HMCN1: variants seen among roughly 807,000 people sequenced by gnomAD.
The protein encoded by HMCN1 is hemicentin 1, also known as hemicentin-1.
HMCN1 carries 321 observed loss-of-function variants against 625.9 expected under a neutral mutation model. That is an observed-to-expected ratio of 0.51 (90% CI 0.47 to 0.56). HMCN1 has a LOEUF of 0.56. Ranked by LOEUF, HMCN1 falls within the 20% of genes least tolerant of loss-of-function variation. The pLI is 0.00. For missense variants in HMCN1, 6,588 were observed against 6,887.3 expected, an observed-to-expected ratio of 0.96 and a Z score of 1.54; for synonymous variants, 2,425 against 2,417.6, an observed-to-expected ratio of 1.00 and a Z score of -0.09.
chr1:185,734,719 G>T lies in HMCN1; in HGVS notation c.-61G>T. The stretch of plus-strand genomic sequence containing the variant: ...GAGAGGAAACCCTCTGCCTGTTGTT[G>T]AGGAGGACTGAGCACAGTGCTTAGG... On this transcript the variant is annotated 5_prime_UTR_variant, in exon 1 of 107. An upstream open reading frame in the 5' UTR loses its in-frame stop. Coordinates refer to ENST00000271588, the MANE Select transcript of HMCN1 (RefSeq NM_031935.3). 1 of 1,529,646 alleles carries T rather than the reference G, an allele frequency of 6.5e-7. No homozygotes were observed. 94.8% of individuals were successfully genotyped at this position (1,529,646 alleles called of 1,614,324 possible).
At chr1:185,978,614 A>G (rs1188394219) in intron 16 of HMCN1, among the ~76,000 whole-genome samples, 1 of 152,120 alleles carries the variant, frequency 6.6e-6, no homozygotes, top group Non-Finnish European at 1.5e-5. Flanking sequence ...AAATAATGGG[A>G]TGTTTGGGGT....
At chr1:186,140,468 C>T (rs1334051312) in intron 89 of HMCN1, among the ~76,000 whole-genome samples, 1 of 152,164 alleles carries the variant, frequency 6.6e-6, no homozygotes, top group Non-Finnish European at 1.5e-5. Context: ...GATTTTGTGT[C>T]CTTCTCCATG....
chr1:185,771,002 G>A (rs1484717131), intron 1 of HMCN1, among the ~76,000 whole-genome samples: 1 of 152,084 alleles, frequency 6.6e-6, no homozygotes, highest in African/African-American at 2.4e-5. Flanking sequence ...GGATATTCCT[G>A]GAATATGAAG....
In HMCN1 at chr1:186,190,819, A is replaced by C. The variant is rs1448286238; in HGVS notation, c.*941A>C. 1 of 192,774 alleles carries C rather than the reference A, an allele frequency of 5.2e-6. No homozygotes were observed. The highest frequency in any genetic ancestry group is 1.1e-5 in the Non-Finnish European group (1 of 92,062). 11.9% of individuals were successfully genotyped at this position (192,774 alleles called of 1,614,324 possible). ...GCCAAGATGTATTCTATTTTTATGA[A>C]GTGTATATATATTACCTTAGTGTGC... On this transcript the variant is annotated 3_prime_UTR_variant, in exon 107 of 107. Coordinates refer to ENST00000271588, the MANE Select transcript of HMCN1 (RefSeq NM_031935.3).
chr1:185,736,276 A>G lies in HMCN1; in HGVS notation c.268+1229A>G, dbSNP rs576229577. 3.5e-4 allele frequency among the ~76,000 whole-genome samples: 53 copies of G among 152,324 alleles called. 1 individual carries two copies. In the South Asian group the frequency reaches 0.011, roughly 31 times the overall value. Reference sequence around the variant, plus strand: ...TATATATACACACACATACACATACATACATTACATATATGTAATTACATA... The same window carrying G: ...TATATATACACACACATACACATACGTACATTACATATATGTAATTACATA... On this transcript the variant is annotated intron_variant, in intron 1 of 106. Coordinates refer to ENST00000271588, the MANE Select transcript of HMCN1 (RefSeq NM_031935.3).
intron 11 of HMCN1, among the ~76,000 whole-genome samples, chr1:185,947,908 G>C (rs1026988921): frequency 6.6e-5 from 10 of 152,186 alleles, no homozygotes; most frequent in Non-Finnish European, 1.5e-4. Flanking sequence ...GTTTCACGTG[G>C]AAAAGTTAGC....
At chr1:186,162,855 G>T (rs186714293) in intron 97 of HMCN1, among the ~76,000 whole-genome samples, 1,853 of 152,318 alleles carry the variant, frequency 0.012, 30 homozygotes, top group African/African-American at 0.043. Flanking sequence ...GGCTGCTCAG[G>T]GGTCAGGGAC....
At chr1:186,070,868 A>G in intron 52 of HMCN1, 111 bp downstream of exon 52, 5 of 1,108,150 alleles carry the variant, frequency 4.5e-6, no homozygotes, top group Non-Finnish European at 6.8e-6. Flanking sequence ...TGTGATCTTA[A>G]AACTAGCAAA....
rs750161577 is a variant in HMCN1, at chr1:186,062,594, G to T, written c.7507G>T (p.Val2503Leu). 3.7e-6 allele frequency: 6 copies of T among 1,608,238 alleles called. No individual in the cohort carries two copies. The highest frequency in any genetic ancestry group is 3.3e-5 in the Admixed American group (2 of 59,970). ...EKQSVTLTCEVTGNPVPEITW... is the reference protein window; with the variant it reads ...EKQSVTLTCELTGNPVPEITW... ...ACAGAGTGTTACGCTGACTTGTGAA[G>T]TGACAGGTATGGGCTCAGCTCTCAG... Residue 2503 changes from valine to leucine, a missense_variant, in exon 48 of 107, where the codon GTG (valine) becomes TTG (leucine). Around this residue, in one of 3 missense-constraint regions of HMCN1, gnomAD observed 4,628 missense variants for 4,853.1 expected, o/e 0.95. Coordinates refer to ENST00000271588, the MANE Select transcript of HMCN1 (RefSeq NM_031935.3).
At chr1:186,032,097 A>G (rs190047722) in intron 36 of HMCN1, among the ~76,000 whole-genome samples, 1 of 152,288 alleles carries the variant, frequency 6.6e-6, no homozygotes, top group African/African-American at 2.4e-5. Flanking sequence ...TATGCATAGC[A>G]AAAGAAATAA....
intron 27 of HMCN1, 55 bp from the exon 28 acceptor site, chr1:186,001,539 A>T: frequency 6.2e-7 from 1 of 1,606,188 alleles, no homozygotes; most frequent in Non-Finnish European, 8.5e-7. Flanking sequence ...TTCAATTTTT[A>T]ATTATGCATT....
intron 63 of HMCN1, 83 bp from the exon 64 acceptor site, chr1:186,090,675 A>G: frequency 6.8e-7 from 1 of 1,463,266 alleles, no homozygotes; most frequent in African/African-American, 1.4e-5. Context: ...TGAACTAGAA[A>G]TGTCATATTG....
At chr1:185,932,721 G>A (rs1667613857) in intron 10 of HMCN1, among the ~76,000 whole-genome samples, 1 of 152,044 alleles carries the variant, frequency 6.6e-6, no homozygotes, top group Admixed American at 6.6e-5. Flanking sequence ...GCCTGTTGTG[G>A]GGTGGGGGAT....
rs775237467 is a variant in HMCN1, at chr1:186,108,748, AGCTTTATTATTT to A, written c.10989+166_10989+177del. On this transcript the variant is annotated intron_variant, in intron 71 of 106. Coordinates refer to ENST00000271588, the MANE Select transcript of HMCN1 (RefSeq NM_031935.3). ...GCAGTAAGCACAGGGTTTTTAAATT[AGCTTTATTATTT>A]GCTTTATTATTTGCCTTTGCTGGGG... is the stretch of plus-strand genomic sequence containing the variant. 28 of 978,880 alleles carry A rather than the reference AGCTTTATTATTT, an allele frequency of 2.9e-5. 1 individual carries two copies. The highest frequency in any genetic ancestry group is 1.9e-4 in the South Asian group (13 of 67,210). 60.6% of individuals were successfully genotyped at this position (978,880 alleles called of 1,614,324 possible). A position where few individuals can be genotyped will look rare whatever the true frequency, so the allele number is the denominator to read the frequency against.
At chr1:185,783,571 C>A (rs569287592) in intron 1 of HMCN1, among the ~76,000 whole-genome samples, 182 of 152,320 alleles carry the variant, frequency 1.2e-3, no homozygotes, top group African/African-American at 3.9e-3. Flanking sequence ...ACAGTCAGGA[C>A]CCTCAACTGC....
intron 1 of HMCN1, among the ~76,000 whole-genome samples, chr1:185,775,302 C>A (rs1656519812): frequency 6.6e-6 from 1 of 152,128 alleles, no homozygotes; most frequent in Admixed American, 6.6e-5. Context: ...ACTTGGGAGA[C>A]TGAACTAGGA....
chr1:186,143,311 G>C (rs562106388), intron 89 of HMCN1, among the ~76,000 whole-genome samples: 1 of 152,252 alleles, frequency 6.6e-6, no homozygotes, highest in East Asian at 1.9e-4. Context: ...CTCATATTTT[G>C]ATTAAACCAG....
chr1:185,840,453 A>G (rs999921906), intron 1 of HMCN1, among the ~76,000 whole-genome samples: 2 of 152,146 alleles, frequency 1.3e-5, no homozygotes, highest in African/African-American at 4.8e-5. Context: ...CATTTTGAGG[A>G]GGCCACTTCC....
intron 2 of HMCN1, among the ~76,000 whole-genome samples, chr1:185,847,974 G>T (rs905340383): frequency 2.0e-5 from 3 of 151,636 alleles, no homozygotes; most frequent in Non-Finnish European, 4.4e-5. Flanking sequence ...AAAAAAAAAA[G>T]TTTTCATTGT....
Sources: allele counts gnomAD v4.1 joint callset (sites outside exome capture counted in the v4.1 genomes callset), GRCh38; gene constraint gnomAD v4.1.1; regional missense constraint gnomAD v4.1.1; transcripts MANE v1.5; gene names NCBI Gene and HGNC (gene_info 2026-07-23, HGNC 2026-07-21).